Variants in ATE1 observed in about 807,000 individuals in gnomAD.
The protein encoded by ATE1 is arginyl-tRNA--protein transferase 1.
Under a neutral mutation model 70.5 loss-of-function variants are expected in ATE1, and 36 were observed. That is an observed-to-expected ratio of 0.51 (90% CI 0.39 to 0.67). ATE1 has a LOEUF of 0.67. ATE1 is among the 30% of genes least tolerant of loss of function. ATE1 has a pLI of 0.00. For missense variants in ATE1, 593 were observed against 629.5 expected, an observed-to-expected ratio of 0.94 and a Z score of 0.62; for synonymous variants, 232 against 219.3, an observed-to-expected ratio of 1.06 and a Z score of -0.51.
chr10:121,918,165 T>G (rs1951733628), intron 3 of ATE1, among the ~76,000 whole-genome samples: 1 of 152,192 alleles, frequency 6.6e-6, no homozygotes, highest in South Asian at 2.1e-4. Flanking sequence ...AAACCCCGTC[T>G]CTACTAAAAA....
chr10:121,895,482 T>C (rs370094245), intron 7 of ATE1, among the ~76,000 whole-genome samples: 2 of 151,438 alleles, frequency 1.3e-5, no homozygotes, highest in East Asian at 2.0e-4. Flanking sequence ...GGTGTGGTGG[T>C]GGGCACCTGT....
intron 10 of ATE1, among the ~76,000 whole-genome samples, chr10:121,796,191 G>GAACAAA (rs1946652845): frequency 1.3e-5 from 2 of 151,940 alleles, no homozygotes; most frequent in African/African-American, 4.8e-5. Context: ...CGTCCAACAA[G>GAACAAA]AACAAAAGGA....
chr10:121,803,322 A>G (rs532849060), intron 10 of ATE1, among the ~76,000 whole-genome samples: 63 of 152,342 alleles, frequency 4.1e-4, no homozygotes, highest in South Asian at 1.4e-3. Context: ...ATTGGACCTC[A>G]GACTTCCCTA....
At chr10:121,877,211 G>T (rs548797505) in intron 7 of ATE1, among the ~76,000 whole-genome samples, 1 of 152,152 alleles carries the variant, frequency 6.6e-6, no homozygotes, top group East Asian at 1.9e-4. Context: ...TATGTTAATT[G>T]CATTAAATAA....
At chr10:121,854,339 T>G (rs938684592) in intron 8 of ATE1, among the ~76,000 whole-genome samples, 10 of 152,346 alleles carry the variant, frequency 6.6e-5, no homozygotes, top group African/African-American at 2.4e-4. Context: ...CTTACTGGTT[T>G]TGCACTAACT....
intron 11 of ATE1, among the ~76,000 whole-genome samples, chr10:121,777,786 TTTA>T (rs1365170760): frequency 1.3e-5 from 2 of 152,226 alleles, no homozygotes; most frequent in African/African-American, 2.4e-5. Flanking sequence ...GAAATTTACG[TTTA>T]TTGTGTCTAT....
At chr10:121,875,636 CA>C (rs1317899973) in intron 7 of ATE1, among the ~76,000 whole-genome samples, 1 of 152,072 alleles carries the variant, frequency 6.6e-6, no homozygotes, top group African/African-American at 2.4e-5. Flanking sequence ...AAAAGGATTT[CA>C]GCCAAACCAC....
chr10:121,851,090 C>CAAAAAAAAAAAAAAAAAAAA (rs10603053), intron 8 of ATE1, among the ~76,000 whole-genome samples: 1 of 43,210 alleles, frequency 2.3e-5, no homozygotes, highest in Non-Finnish European at 3.7e-5. Context: ...GACTCCATCT[C>CAAAAAAAAAAAAAAAAAAAA]AAAAAAAAAA....
intron 10 of ATE1, among the ~76,000 whole-genome samples, chr10:121,808,506 G>A (rs1947188681): frequency 6.6e-6 from 1 of 152,106 alleles, no homozygotes; most frequent in Admixed American, 6.5e-5. Flanking sequence ...TGGCAACCGT[G>A]GAAGCATCTG....
Position 121,911,028 on chromosome 10 carries a change from TC to T in ATE1, c.460del (p.Glu154LysfsTer20). On this transcript the variant is annotated frameshift_variant, in exon 5 of 12. Coordinates refer to ENST00000224652, the MANE Select transcript of ATE1 (RefSeq NM_001001976.3). LOFTEE classifies it high-confidence loss of function. Reference sequence around the variant, plus strand: ...TTCTTCTTTCTTTGAATTTTTTCCTTCACTCTCTAAACTCTCTTTGATGTCA... The same window carrying T: ...TTCTTCTTTCTTTGAATTTTTTCCTTACTCTCTAAACTCTCTTTGATGTCA... The part of the protein sequence containing the change: ...SDDIKESLES[E>X]GKNSKKEEPQ... The T allele has an allele frequency of 6.2e-7, 1 of 1,614,068 alleles. No individual in the cohort carries two copies. The highest frequency in any genetic ancestry group is 8.5e-7 in the Non-Finnish European group (1 of 1,180,030).
intron 10 of ATE1, among the ~76,000 whole-genome samples, chr10:121,799,581 C>T (rs1946796386): frequency 6.6e-6 from 1 of 152,194 alleles, no homozygotes; most frequent in South Asian, 2.1e-4. Context: ...TTCATCTTTG[C>T]AGCTAGCATG....
chr10:121,916,303 T>G (rs1951655769), intron 3 of ATE1, among the ~76,000 whole-genome samples: 1 of 152,062 alleles, frequency 6.6e-6, no homozygotes, highest in East Asian at 1.9e-4. Flanking sequence ...GGTATGAGGA[T>G]CAGAATATCA....
chr10:121,882,487 G>A (rs1950258397), intron 7 of ATE1, among the ~76,000 whole-genome samples: 1 of 152,184 alleles, frequency 6.6e-6, no homozygotes, highest in Non-Finnish European at 1.5e-5. Flanking sequence ...ACAACAAATT[G>A]TGTTGTATAC....
chr10:121,813,709 A>T (rs1276103364), intron 10 of ATE1, among the ~76,000 whole-genome samples: 1 of 152,164 alleles, frequency 6.6e-6, no homozygotes, highest in Non-Finnish European at 1.5e-5. Context: ...AAGAACTGGC[A>T]AGCAGGTGGA....
chr10:121,881,870 T>G (rs1182654551), intron 7 of ATE1, among the ~76,000 whole-genome samples: 2 of 152,164 alleles, frequency 1.3e-5, no homozygotes, highest in Non-Finnish European at 1.5e-5. Context: ...CTCGGCTCAC[T>G]GCAAACTCCG....
chr10:121,887,059 C>A (rs1449616572), intron 7 of ATE1, among the ~76,000 whole-genome samples: 1 of 152,122 alleles, frequency 6.6e-6, no homozygotes, highest in Non-Finnish European at 1.5e-5. Flanking sequence ...CCTTTTAATG[C>A]CTCAATGAAA....
intron 11 of ATE1, among the ~76,000 whole-genome samples, chr10:121,745,306 A>G (rs1564802558): frequency 1.3e-5 from 2 of 152,180 alleles, no homozygotes; most frequent in Non-Finnish European, 2.9e-5. Flanking sequence ...ACATATTGTA[A>G]CCACCTGAGA....
At chr10:121,770,141 A>G (rs1276483622) in intron 11 of ATE1, among the ~76,000 whole-genome samples, 1 of 152,052 alleles carries the variant, frequency 6.6e-6, no homozygotes, top group Non-Finnish European at 1.5e-5. Flanking sequence ...TAAACGAAGT[A>G]TAACATATCT....
chr10:121,862,482 G>GTC (rs1949508575), intron 8 of ATE1, among the ~76,000 whole-genome samples: 1 of 150,730 alleles, frequency 6.6e-6, no homozygotes, highest in Admixed American at 6.6e-5. Flanking sequence ...TCAGCCTCCA[G>GTC]AATTGCTGGG....
Sources: gnomAD v4.1 joint callset for allele counts (sites outside exome capture counted in the v4.1 genomes callset) on GRCh38, gnomAD v4.1.1 for gene constraint, MANE v1.5 for transcripts, NCBI Gene and HGNC (gene_info 2026-07-23, HGNC 2026-07-21) for gene names.